Variants in AKR1A1 observed in about 807,000 individuals in gnomAD.
AKR1A1 encodes the protein aldo-keto reductase family 1 member A1, also known as HEL-S-165mP.
AKR1A1 carries 26 observed loss-of-function variants against 39.2 expected under a neutral mutation model. The observed-to-expected ratio is 0.66, with a 90% CI of 0.49 to 0.92. AKR1A1 has a LOEUF of 0.92. Ranked by LOEUF, AKR1A1 falls within the 40% of genes least tolerant of loss-of-function variation. The pLI is 0.00. For synonymous variants in AKR1A1, 141 were observed against 155.5 expected, an observed-to-expected ratio of 0.91 and a Z score of 0.69; for missense variants, 378 against 406.5, an observed-to-expected ratio of 0.93 and a Z score of 0.60.
At chr1:45,551,896 A>G (rs1644135382) in intron 1 of AKR1A1, among the ~76,000 whole-genome samples, 1 of 152,060 alleles carries the variant, frequency 6.6e-6, no homozygotes, top group Non-Finnish European at 1.5e-5. Flanking sequence ...GACTTCCTCA[A>G]ATGTCCTTCC....
At chr1:45,551,439 C>T (rs1017646883) in intron 1 of AKR1A1, among the ~76,000 whole-genome samples, 3 of 152,226 alleles carry the variant, frequency 2.0e-5, no homozygotes, top group Admixed American at 1.3e-4. Flanking sequence ...AGGTGATCTG[C>T]AAGTTTTAAT....
chr1:45,569,138 C>T lies in AKR1A1; in HGVS notation c.826-5C>T, dbSNP rs879228532. Reference sequence around the variant, plus strand: ...GCTTTCTTGAACCCCACTCTCCATCCTCAGGTGTTTGACTTCACCTTTAGC... The same window carrying T: ...GCTTTCTTGAACCCCACTCTCCATCTTCAGGTGTTTGACTTCACCTTTAGC... On this transcript the variant is annotated splice_polypyrimidine_tract_variant and splice_region_variant and intron_variant, in intron 7 of 8. Transcript: ENST00000351829. 6.2e-7 allele frequency: 1 copy of T among 1,613,678 alleles called. No individual in the cohort carries two copies. Among genetic ancestry groups the T allele is most frequent in the Non-Finnish European group, 8.5e-7 (1 of 1,179,540 alleles).
rs114866184 is a variant in AKR1A1, at chr1:45,560,282, G to A, written c.-6-1507G>A. On this transcript the variant is annotated intron_variant, in intron 1 of 8. Coordinates refer to ENST00000351829, the MANE Select transcript of AKR1A1 (RefSeq NM_153326.3). ...ATTACAGGTGTGAGGCACAGCGCCC[G>A]GTCTAACTTCACTTCTTTGAGCCTA... Among the ~76,000 whole-genome samples, 789 of 152,126 alleles carry A rather than the reference G, an allele frequency of 5.2e-3. 6 individuals carry two copies. Among genetic ancestry groups the A allele is most frequent in the African/African-American group, 0.018 (746 of 41,486 alleles).
chr1:45,552,887 G>A (rs931531118), intron 1 of AKR1A1, among the ~76,000 whole-genome samples: 1 of 152,060 alleles, frequency 6.6e-6, no homozygotes, highest in African/African-American at 2.4e-5. Context: ...CACTTTGGGA[G>A]GCCAAGGTGG....
chr1:45,552,662 G>A (rs1379390327), intron 1 of AKR1A1: 2 of 152,228 alleles, frequency 1.3e-5, no homozygotes, highest in African/African-American at 4.8e-5. Context: ...ACATGAGGAG[G>A]TGGTGAAATG....
At position 45,568,940 on chromosome 1, in the gene AKR1A1, C is replaced by T. The variant is rs757852970; in HGVS notation, c.766C>T (p.Arg256Trp). The change falls in exon 7 of 9, where the codon CGG (arginine) becomes TGG (tryptophan). Residue 256 changes from arginine (R) to tryptophan (W), a missense_variant. Coordinates refer to ENST00000351829, the MANE Select transcript of AKR1A1 (RefSeq NM_153326.3). ...AQILLRWQVQRKVICIPKSIT... is the reference protein window; with the variant it reads ...AQILLRWQVQWKVICIPKSIT... ...CCCCCAACTTAGGTGGCAGGTCCAG[C>T]GGAAAGTGATCTGCATCCCCAAAAG... The T allele has an allele frequency of 1.8e-5, 29 of 1,614,154 alleles. No individual in the cohort carries two copies. Among genetic ancestry groups the T allele is most frequent in the Middle Eastern group, 1.6e-4 (1 of 6,062 alleles).
chr1:45,565,256 A>G (rs1313837956), intron 2 of AKR1A1, among the ~76,000 whole-genome samples: 1 of 141,044 alleles, frequency 7.1e-6, no homozygotes, highest in Non-Finnish European at 1.5e-5. Flanking sequence ...TCAGCCTCCC[A>G]AGTACCCGGG....
chr1:45,564,586 C>G (rs2148300654), intron 2 of AKR1A1, among the ~76,000 whole-genome samples: 1 of 151,452 alleles, frequency 6.6e-6, no homozygotes, highest in Middle Eastern at 3.4e-3. Context: ...TAATCTTTTC[C>G]CCCTTCTAAC....
chr1:45,553,638 A>T (rs983008488), intron 1 of AKR1A1, among the ~76,000 whole-genome samples: 1 of 152,182 alleles, frequency 6.6e-6, no homozygotes, highest in Non-Finnish European at 1.5e-5. Flanking sequence ...AAACCCAGCT[A>T]AACTGACAAA....
At chr1:45,552,197 T>C (rs934071416) in intron 1 of AKR1A1, among the ~76,000 whole-genome samples, 27 of 151,956 alleles carry the variant, frequency 1.8e-4, no homozygotes, top group Admixed American at 7.9e-4. Flanking sequence ...TTTTTAGAGA[T>C]GGATGGGGGT....
At chr1:45,552,028 G>T (rs549486463) in intron 1 of AKR1A1, among the ~76,000 whole-genome samples, 1 of 148,468 alleles carries the variant, frequency 6.7e-6, no homozygotes, top group African/African-American at 2.5e-5. Flanking sequence ...TATGGGACAG[G>T]TACTCTAGGA....
chr1:45,565,513 G>T (rs1418739727), intron 2 of AKR1A1, among the ~76,000 whole-genome samples: 1 of 151,368 alleles, frequency 6.6e-6, no homozygotes, highest in African/African-American at 2.4e-5. Context: ...ACTCTGTCTC[G>T]CCCAGGATGA....
At chr1:45,551,191 G>C (rs1644126065) in intron 1 of AKR1A1, 36 bp downstream of exon 1, 1 of 152,310 alleles carries the variant, frequency 6.6e-6, no homozygotes, top group African/African-American at 2.4e-5. Flanking sequence ...TCTTTCTCCC[G>C]GAGGAGATGG....
In AKR1A1 at chr1:45,566,564, G is replaced by A; in HGVS notation, c.85-5G>A. On this transcript the variant is annotated splice_region_variant and splice_polypyrimidine_tract_variant and intron_variant, in intron 2 of 8. Transcript: ENST00000351829. ...GCTGAAACCTCTGCTTCTCTCACCT[G>A]GCAGGTAAAAGCAGCTGTTAAGTAT... is the stretch of plus-strand genomic sequence containing the variant. 15 of 1,614,080 alleles carry A rather than the reference G, an allele frequency of 9.3e-6. No individual in the cohort carries two copies. Among genetic ancestry groups the A allele is most frequent in the Non-Finnish European group, 1.3e-5 (15 of 1,179,976 alleles).
intron 1 of AKR1A1, among the ~76,000 whole-genome samples, chr1:45,555,956 G>A (rs1219322172): frequency 1.3e-5 from 2 of 152,048 alleles, no homozygotes; most frequent in Admixed American, 6.6e-5. Context: ...CAAGGCCTAA[G>A]GCGATAACCG....
At chr1:45,567,174 C>A in intron 4 of AKR1A1, 154 bp downstream of exon 4, 1 of 1,043,232 alleles carries the variant, frequency 9.6e-7, no homozygotes, top group Non-Finnish European at 1.4e-6. Context: ...TCTTCTGCTA[C>A]AGCAGCTTAG....
rs1190484037 is a variant in AKR1A1 at position 45,561,701 on chromosome 1, G to A, written c.-6-88G>A. The A allele has an allele frequency of 4.5e-6, 6 of 1,343,812 alleles. No homozygotes were observed. In the African/African-American group the frequency reaches 5.7e-5, roughly 13 times the overall value. 83.2% of individuals were successfully genotyped at this position (1,343,812 alleles called of 1,614,324 possible). ...TTACAGGTGTGAGCCACTGCACTTG[G>A]CGCTTTGCAGTATTCTTGACAGTGG... On this transcript the variant is annotated intron_variant, in intron 1 of 8. Transcript: ENST00000351829.
At chr1:45,561,737 C>G in intron 1 of AKR1A1, 52 bp from the exon 2 acceptor site, 4 of 1,569,030 alleles carry the variant, frequency 2.5e-6, no homozygotes, top group Non-Finnish European at 3.5e-6. Flanking sequence ...AAATCTGAGA[C>G]CTGAACAACA....
intron 1 of AKR1A1, among the ~76,000 whole-genome samples, chr1:45,556,637 G>A (rs1435963364): frequency 2.0e-5 from 3 of 151,282 alleles, no homozygotes; most frequent in African/African-American, 4.9e-5. Flanking sequence ...CCAGCACTTT[G>A]GGAGGCCGAG....
Sources: gnomAD v4.1 joint callset for allele counts (sites outside exome capture counted in the v4.1 genomes callset) on GRCh38, gnomAD v4.1.1 for gene constraint, MANE v1.5 for transcripts, NCBI Gene and HGNC (gene_info 2026-07-23, HGNC 2026-07-21) for gene names.